GXYLT1: variants seen among roughly 807,000 people sequenced by gnomAD.
GXYLT1 encodes glucoside xylosyltransferase 1, also known as glycosyltransferase 8 domain containing 3.
A neutral mutation model predicts 54.0 loss-of-function variants in GXYLT1; 29 were observed. That is an observed-to-expected ratio of 0.54 (90% CI 0.40 to 0.73). The LOEUF (loss-of-function observed/expected upper bound fraction) is 0.73. GXYLT1 is among the 30% of genes least tolerant of loss of function. The pLI is 0.00. For missense variants in GXYLT1, 490 were observed against 553.4 expected (o/e 0.89, Z 1.15); for synonymous variants, 176 against 204.1 (o/e 0.86, Z 1.17).
intron 5 of GXYLT1, among the ~76,000 whole-genome samples, chr12:42,100,713 A>G (rs1208509931): frequency 6.6e-6 from 1 of 152,114 alleles, no homozygotes; most frequent in Non-Finnish European, 1.5e-5. Context: ...CAATTTGAAA[A>G]GATAACTCTT....
In GXYLT1 at chr12:42,144,636, T is replaced by TGAATGGG; in HGVS notation, c.10_11insCCCATTC (p.Tyr4SerfsTer75). 1 of 1,457,706 alleles carries TGAATGGG rather than the reference T, an allele frequency of 6.9e-7. No individual in the cohort carries two copies. Among genetic ancestry groups the TGAATGGG allele is most frequent in the South Asian group, 1.3e-5 (1 of 74,710 alleles). The allele number at this position is 1,457,706 out of a possible 1,614,324, so 90.3% of individuals were successfully genotyped here. On this transcript the variant is annotated frameshift_variant, in exon 1 of 8. Coordinates refer to ENST00000398675, the MANE Select transcript of GXYLT1 (RefSeq NM_173601.2). LOFTEE classifies it high-confidence loss of function. ...CACACACAGCACCACGACGCGCAGG[T>TGAATGGG]AGCGCCGCATCGCCCCGGCCGCGCT...
Position 42,134,485 on chromosome 12 carries a change from T to A in GXYLT1, c.222-4634A>T, listed in dbSNP as rs138397462. ...GCCACCAAGCCTAATTTTTAAAAAATTTTTTGTAGAGACAAAGTTTTGCTT... is the reference window on the plus strand; with the variant it reads ...GCCACCAAGCCTAATTTTTAAAAAAATTTTTGTAGAGACAAAGTTTTGCTT... On this transcript the variant is annotated intron_variant, in intron 1 of 7. Transcript: ENST00000398675. Among the ~76,000 whole-genome samples the A allele has an allele frequency of 2.9e-3, 437 of 152,248 alleles. 2 individuals are homozygous for A. Among genetic ancestry groups the A allele is most frequent in the African/African-American group, 9.4e-3 (389 of 41,546 alleles).
chr12:42,100,974 T>A lies in GXYLT1; in HGVS notation c.865-2941A>T, dbSNP rs1437720561. On this transcript the variant is annotated intron_variant, in intron 5 of 7. Coordinates refer to ENST00000398675, the MANE Select transcript of GXYLT1 (RefSeq NM_173601.2). Reference sequence around the variant, plus strand: ...TTGAATATATATCTTACAAGAAATGTACCTATTCAAAGAGCATCAATGAAA... The same window carrying A: ...TTGAATATATATCTTACAAGAAATGAACCTATTCAAAGAGCATCAATGAAA... 2.6e-5 allele frequency among the ~76,000 whole-genome samples: 4 copies of A among 151,886 alleles called. No homozygotes were observed. The East Asian group carries it at 7.7e-4, about 29-fold the overall frequency.
intron 1 of GXYLT1, among the ~76,000 whole-genome samples, chr12:42,141,939 T>C (rs1054687844): frequency 6.6e-6 from 1 of 152,234 alleles, no homozygotes; most frequent in Non-Finnish European, 1.5e-5. Flanking sequence ...TCCAAGTCTT[T>C]TGTCGTCATG....
rs143176739 is a variant in GXYLT1 at position 42,125,180 on chromosome 12, C to T, written c.314+4579G>A. 1.9e-3 allele frequency among the ~76,000 whole-genome samples: 289 copies of T among 152,128 alleles called. 1 individual carries two copies. The highest frequency in any genetic ancestry group is 3.4e-3 in the Non-Finnish European group (232 of 67,984). The stretch of plus-strand genomic sequence containing the variant: ...AAGGGAGAAGGAAGGAAGCAAGCAG[C>T]CAGGAGCAACAGTGTGAAAGGAGAC... On this transcript the variant is annotated intron_variant, in intron 2 of 7. Coordinates refer to ENST00000398675, the MANE Select transcript of GXYLT1 (RefSeq NM_173601.2).
At chr12:42,089,499 C>T (rs2065317056) in intron 7 of GXYLT1, among the ~76,000 whole-genome samples, 1 of 152,068 alleles carries the variant, frequency 6.6e-6, no homozygotes, top group Admixed American at 6.5e-5. Context: ...AATATATATA[C>T]ATATAAAAGA....
intron 1 of GXYLT1, among the ~76,000 whole-genome samples, chr12:42,137,111 T>C (rs531542180): frequency 6.6e-6 from 1 of 152,112 alleles, no homozygotes; most frequent in Non-Finnish European, 1.5e-5. Flanking sequence ...CATTTCAAAA[T>C]GTCCAAGATA....
rs184505594 is a variant in GXYLT1, at chr12:42,086,570, G to C, written c.*1216C>G. On this transcript the variant is annotated 3_prime_UTR_variant, in exon 8 of 8. Transcript: ENST00000398675. ...CAGCATAGTATATGCTAAGTATTCAGAATCTATAGTTATATTAGCTAACAG... is the reference window on the plus strand; with the variant it reads ...CAGCATAGTATATGCTAAGTATTCACAATCTATAGTTATATTAGCTAACAG... The C allele has an allele frequency of 5.6e-4, 86 of 152,244 alleles. 1 individual carries two copies. The highest frequency in any genetic ancestry group is 2.0e-3 in the African/African-American group (84 of 41,540). The allele number at this position is 152,244 out of a possible 1,614,324, so 9.4% of individuals were successfully genotyped here.
At chr12:42,135,005 T>C (rs748475314) in intron 1 of GXYLT1, among the ~76,000 whole-genome samples, 9 of 152,238 alleles carry the variant, frequency 5.9e-5, no homozygotes, top group Non-Finnish European at 1.2e-4. Flanking sequence ...AAAAGGATTA[T>C]ACAACCCTAT....
At chr12:42,091,737 C>T (rs765535931) in intron 7 of GXYLT1, among the ~76,000 whole-genome samples, 12 of 152,122 alleles carry the variant, frequency 7.9e-5, no homozygotes, top group Admixed American at 3.3e-4. Context: ...AGAACTGTAG[C>T]CTACAATGCT....
intron 7 of GXYLT1, among the ~76,000 whole-genome samples, chr12:42,091,288 T>A (rs1487338901): frequency 7.5e-6 from 1 of 132,824 alleles, no homozygotes; most frequent in African/African-American, 2.5e-5. Context: ...AAAAATAAGA[T>A]TTTTTTAAAA....
chr12:42,118,878 T>A, intron 3 of GXYLT1, 122 bp downstream of exon 3: 1 of 734,396 alleles, frequency 1.4e-6, no homozygotes, highest in Non-Finnish European at 2.1e-6. Context: ...CTTTTCTTTA[T>A]AAATTACCAA....
intron 4 of GXYLT1, among the ~76,000 whole-genome samples, chr12:42,107,622 C>G (rs1230097200): frequency 1.3e-5 from 2 of 151,776 alleles, no homozygotes. Context: ...GCCTGAGAGG[C>G]AGAGGTTGCA....
Position 42,085,104 on chromosome 12 carries a change from A to G in GXYLT1, c.*2682T>C, listed in dbSNP as rs2065281461. 1.3e-5 allele frequency: 2 copies of G among 152,264 alleles called. No individual in the cohort carries two copies. Among genetic ancestry groups the G allele is most frequent in the Non-Finnish European group, 2.9e-5 (2 of 68,042 alleles). The allele number at this position is 152,264 out of a possible 1,614,324, so 9.4% of individuals were successfully genotyped here. A position where few individuals can be genotyped will look rare whatever the true frequency, so the allele number is the denominator to read the frequency against. ...GAACTGCATTTCTTTAGAATTCAAA[A>G]GAATTACCTTGTCTAAAGATAAATT... On this transcript the variant is annotated 3_prime_UTR_variant, in exon 8 of 8. Transcript: ENST00000398675.
chr12:42,134,949 G>T (rs1404283966), intron 1 of GXYLT1, among the ~76,000 whole-genome samples: 1 of 152,062 alleles, frequency 6.6e-6, no homozygotes, highest in Non-Finnish European at 1.5e-5. Flanking sequence ...TATTTGTGTA[G>T]TAGACTGTAT....
rs1221217276 is a variant in GXYLT1, at chr12:42,082,361, A to G, written c.*5425T>C. On this transcript the variant is annotated 3_prime_UTR_variant, in exon 8 of 8. Transcript: ENST00000398675. Reference sequence around the variant, plus strand: ...CTCTGCTAAGTTTTGAACAGATAACATATTCTACAGCAATGCTCAAGCCCT... The same window carrying G: ...CTCTGCTAAGTTTTGAACAGATAACGTATTCTACAGCAATGCTCAAGCCCT... 1 of 152,250 alleles carries G rather than the reference A, an allele frequency of 6.6e-6. No individual in the cohort carries two copies. 9.4% of individuals were successfully genotyped at this position (152,250 alleles called of 1,614,324 possible). A position where few individuals can be genotyped will look rare whatever the true frequency, so the allele number is the denominator to read the frequency against.
At chr12:42,110,681 G>A (rs1003988573) in intron 3 of GXYLT1, among the ~76,000 whole-genome samples, 36 of 152,262 alleles carry the variant, frequency 2.4e-4, no homozygotes, top group African/African-American at 8.2e-4. Flanking sequence ...CTCCCAAGTA[G>A]CTGGGACTAC....
At position 42,111,935 on chromosome 12, in the gene GXYLT1, A is replaced by G. The variant is rs143446754; in HGVS notation, c.487-2244T>C. 2.8e-3 allele frequency among the ~76,000 whole-genome samples: 434 copies of G among 152,322 alleles called. 2 individuals carry two copies. The highest frequency in any genetic ancestry group is 9.3e-3 in the African/African-American group (387 of 41,576). On this transcript the variant is annotated intron_variant, in intron 3 of 7. Transcript: ENST00000398675. ...ACACAGCCAGGTACTCCTCTGAGAC[A>G]AAACTTCCAAAGGAACCATCAGGCA... is the stretch of plus-strand genomic sequence containing the variant.
rs1360460046 is a variant in GXYLT1, at chr12:42,110,554, T to C, written c.487-863A>G. 2.6e-5 allele frequency among the ~76,000 whole-genome samples: 4 copies of C among 152,176 alleles called. No individual in the cohort carries two copies. The East Asian group carries it at 7.7e-4, about 29-fold the overall frequency. ...GGTGTCTCTGATTATTTTATTTTAT[T>C]ATTGTTTTGAGACAAGGTCTCACTC... On this transcript the variant is annotated intron_variant, in intron 3 of 7. Coordinates refer to ENST00000398675, the MANE Select transcript of GXYLT1 (RefSeq NM_173601.2).
Sources: allele counts gnomAD v4.1 joint callset (sites outside exome capture counted in the v4.1 genomes callset), GRCh38; gene constraint gnomAD v4.1.1; transcripts MANE v1.5; gene names NCBI Gene and HGNC (gene_info 2026-07-23, HGNC 2026-07-21).